The following UQCC5 variants were observed in gnomAD, a reference collection of about 807,000 sequenced individuals.
UQCC5 encodes the protein UPF0640 protein C3orf78.
the UQCC5 span, chr3:52,541,319 G>A: frequency 2.0e-4 from 30 of 151,854 alleles, no homozygotes; most frequent in Non-Finnish European, 5.9e-5. Context: ...ATCTAACATC[G>A]TTTCAAGCAA....
chr3:52,538,358 T>C, the UQCC5 span, among the ~76,000 whole-genome samples: 7 of 152,294 alleles, frequency 4.6e-5, no homozygotes, highest in African/African-American at 1.7e-4. Context: ...GTAGATATGG[T>C]TATACAGAGC....
the UQCC5 span, chr3:52,540,439 G>GA: frequency 3.3e-6 from 5 of 1,529,782 alleles, no homozygotes; most frequent in Admixed American, 2.3e-5. Flanking sequence ...GTCTACCGTA[G>GA]AAAAGCCTCA....
chr3:52,538,680 A>G, the UQCC5 span, among the ~76,000 whole-genome samples: 1 of 152,150 alleles, frequency 6.6e-6, no homozygotes, highest in Non-Finnish European at 1.5e-5. Flanking sequence ...AGGCTGGTCT[A>G]GAACTCCTGA....
At chr3:52,540,346 C>T in the UQCC5 span, 4 of 1,075,102 alleles carry the variant, frequency 3.7e-6, no homozygotes, top group Non-Finnish European at 5.3e-6. Flanking sequence ...CAGACCTAGA[C>T]TATTGGTTAA....
chr3:52,536,923 C>T, the UQCC5 span: 17 of 1,551,340 alleles, frequency 1.1e-5, no homozygotes, highest in Admixed American at 9.8e-5. Flanking sequence ...GAGGGGGTAG[C>T]AGTCTCTGTT....
chr3:52,537,667 C>T, the UQCC5 span, among the ~76,000 whole-genome samples: 1 of 152,120 alleles, frequency 6.6e-6, no homozygotes, highest in Non-Finnish European at 1.5e-5. Flanking sequence ...TCCCTTACCC[C>T]AGAAGAGCTC....
the UQCC5 span, chr3:52,540,490 G>T: frequency 2.0e-6 from 3 of 1,520,764 alleles, no homozygotes; most frequent in South Asian, 2.6e-5. Flanking sequence ...GAATGAGACT[G>T]AACTTCAGCA....
the UQCC5 span, chr3:52,541,333 A>G: frequency 6.6e-6 from 1 of 152,216 alleles, no homozygotes; most frequent in East Asian, 1.9e-4. Flanking sequence ...CAAGCAAAAA[A>G]AAATCTACAT....
At chr3:52,537,012 CAG>C in the UQCC5 span, 1 of 1,438,932 alleles carries the variant, frequency 6.9e-7, no homozygotes, top group Non-Finnish European at 9.4e-7. Context: ...GCATTCCACT[CAG>C]AGCGCTGGGC....
At chr3:52,541,656 C>T in the UQCC5 span, 20 of 152,140 alleles carry the variant, frequency 1.3e-4, no homozygotes, top group African/African-American at 3.9e-4. Context: ...GGTGGTTCAT[C>T]GTATTCTCAT....
chr3:52,541,621 T>A, the UQCC5 span: 1 of 152,214 alleles, frequency 6.6e-6, no homozygotes, highest in Non-Finnish European at 1.5e-5. Flanking sequence ...AGGCCAGTAA[T>A]GACCTCTGCC....
At chr3:52,539,347 T>C in the UQCC5 span, among the ~76,000 whole-genome samples, 1 of 152,058 alleles carries the variant, frequency 6.6e-6, no homozygotes, top group Non-Finnish European at 1.5e-5. Context: ...GCCAAGGACC[T>C]GGGGAAGAAA....
At chr3:52,540,526 A>G in the UQCC5 span, 2 of 1,421,244 alleles carry the variant, frequency 1.4e-6, no homozygotes, top group African/African-American at 1.5e-5. Flanking sequence ...ATGAATTTTT[A>G]CTATTGGTTT....
the UQCC5 span, chr3:52,536,615 C>G: frequency 2.0e-6 from 3 of 1,467,294 alleles, no homozygotes; most frequent in Non-Finnish European, 2.7e-6. Context: ...ACTCGTGCGC[C>G]TACCAGACAG....
the UQCC5 span, chr3:52,536,652 C>T: frequency 4.0e-6 from 6 of 1,502,326 alleles, no homozygotes; most frequent in South Asian, 6.5e-5. Flanking sequence ...TCGCTAGTCT[C>T]CCAGGTCGCG....
chr3:52,540,308 AT>A, the UQCC5 span: 1 of 745,322 alleles, frequency 1.3e-6, no homozygotes. Context: ...TGAGTTAAAT[AT>A]TAATGCCAAG....
chr3:52,537,006 T>TCC, the UQCC5 span: 2 of 1,464,870 alleles, frequency 1.4e-6, no homozygotes, highest in Non-Finnish European at 1.9e-6. Flanking sequence ...GACCGCGCAT[T>TCC]CCACTCAGAG....
the UQCC5 span, among the ~76,000 whole-genome samples, chr3:52,539,741 C>A: frequency 1.3e-5 from 2 of 151,322 alleles, no homozygotes; most frequent in African/African-American, 2.4e-5. Context: ...TGGGTTCAAG[C>A]GACTCTCCTG....
At chr3:52,541,034 C>A in the UQCC5 span, 2 of 152,380 alleles carry the variant, frequency 1.3e-5, no homozygotes, top group Non-Finnish European at 2.9e-5. Flanking sequence ...ATGCTCCTCC[C>A]TTGCTTGGCT....
Sources: gnomAD v4.1 joint callset for allele counts (sites outside exome capture counted in the v4.1 genomes callset) on GRCh38, gnomAD v4.1.1 for gene constraint, MANE v1.5 for transcripts, NCBI Gene and HGNC (gene_info 2026-07-23, HGNC 2026-07-21) for gene names.